Variants in AK9 observed in about 807,000 individuals in gnomAD.
AK9 encodes adenylate kinase domain containing 1.
In AK9, 191 loss-of-function variants were observed where a neutral mutation model predicts 239.6. The ratio of observed to expected loss-of-function variants is 0.80; its 90% confidence interval spans 0.71 to 0.90. The LOEUF is 0.90. Among genes scored for constraint, AK9 ranks in the 40% least tolerant of loss-of-function variants. The probability of loss-of-function intolerance (pLI) is 0.00; values close to 1 mark genes in which losing one functional copy is unlikely to be tolerated. For synonymous variants in AK9, 689 were observed against 721.0 expected (o/e 0.96, Z 0.71); for missense variants, 1,995 against 2,214.7 (o/e 0.90, Z 1.99).
intron 17 of AK9, among the ~76,000 whole-genome samples, chr6:109,603,345 C>G (rs1416460353): frequency 1.3e-5 from 2 of 152,140 alleles, no homozygotes; most frequent in Non-Finnish European, 1.5e-5. Flanking sequence ...CACTCCAGAC[C>G]CTGTTTGCCT....
At chr6:109,561,056 C>T (rs1450115166) in intron 24 of AK9, among the ~76,000 whole-genome samples, 3 of 151,620 alleles carry the variant, frequency 2.0e-5, no homozygotes, top group East Asian at 1.9e-4. Context: ...CAGGTTCAAG[C>T]GATTCTCCTG....
chr6:109,626,975 T>C (rs1221490125), intron 12 of AK9, among the ~76,000 whole-genome samples: 4 of 152,126 alleles, frequency 2.6e-5, no homozygotes, highest in African/African-American at 7.2e-5. Context: ...ATTAACCTTG[T>C]CTTATTATAG....
At chr6:109,557,516 T>G (rs559962401) in intron 24 of AK9, among the ~76,000 whole-genome samples, 1 of 152,258 alleles carries the variant, frequency 6.6e-6, no homozygotes, top group East Asian at 1.9e-4. Context: ...CTTTGTCCCT[T>G]GGTGGAGAGG....
intron 12 of AK9, among the ~76,000 whole-genome samples, chr6:109,623,192 A>T (rs952668794): frequency 2.6e-5 from 4 of 152,052 alleles, no homozygotes; most frequent in African/African-American, 9.7e-5. Context: ...TTTATCTGAC[A>T]CATATTATGA....
At chr6:109,547,894 A>G (rs988246322) in intron 25 of AK9, among the ~76,000 whole-genome samples, 7 of 151,626 alleles carry the variant, frequency 4.6e-5, no homozygotes, top group African/African-American at 1.5e-4. Flanking sequence ...ACAATGGGGA[A>G]AAAAGACCTG....
chr6:109,504,386 A>T (rs1010129968), intron 35 of AK9, among the ~76,000 whole-genome samples: 5 of 152,144 alleles, frequency 3.3e-5, no homozygotes, highest in African/African-American at 1.2e-4. Context: ...ATAAAATTAA[A>T]GAATACCTGT....
chr6:109,658,053 T>C (rs1799940276), intron 7 of AK9, among the ~76,000 whole-genome samples: 1 of 152,190 alleles, frequency 6.6e-6, no homozygotes. Context: ...GAATGTACAA[T>C]TATTTAATTA....
intron 17 of AK9, among the ~76,000 whole-genome samples, chr6:109,610,092 A>T (rs1793392193): frequency 6.6e-6 from 1 of 152,212 alleles, no homozygotes; most frequent in African/African-American, 2.4e-5. Flanking sequence ...AACTGAACTG[A>T]ATCAAAGACA....
chr6:109,519,340 G>A (rs1779595833), intron 29 of AK9, among the ~76,000 whole-genome samples: 1 of 152,108 alleles, frequency 6.6e-6, no homozygotes, highest in African/African-American at 2.4e-5. Flanking sequence ...CCCAGTAATG[G>A]GATTGTTGGG....
At chr6:109,608,422 G>C (rs1489488347) in intron 17 of AK9, among the ~76,000 whole-genome samples, 1 of 151,824 alleles carries the variant, frequency 6.6e-6, no homozygotes, top group African/African-American at 2.4e-5. Flanking sequence ...GAGAAAGGAT[G>C]GCCTTTTCAA....
chr6:109,555,566 CATTA>C (rs1784907495), intron 24 of AK9, among the ~76,000 whole-genome samples: 1 of 152,172 alleles, frequency 6.6e-6, no homozygotes, highest in African/African-American at 2.4e-5. Flanking sequence ...TGAATATCCT[CATTA>C]ATTTTCTGTC....
rs554601721 is a variant in AK9, at chr6:109,566,732, AG to A, written c.2345-1888del. On this transcript the variant is annotated intron_variant, in intron 21 of 40. Transcript: ENST00000424296. ...GAGACTCAGAAGGGAGCAGGGTAAG[AG>A]GGGAGTGAGGGATGAAAAACCACCT... Among the ~76,000 whole-genome samples the A allele has an allele frequency of 2.0e-3, 302 of 152,276 alleles. 1 individual carries two copies. Among genetic ancestry groups the A allele is most frequent in the African/African-American group, 6.9e-3 (286 of 41,548 alleles).
Position 109,639,826 on chromosome 6 carries a change from TA to T in AK9, c.933+1691del, listed in dbSNP as rs1428443123. 3.9e-5 allele frequency among the ~76,000 whole-genome samples: 6 copies of T among 152,338 alleles called. No homozygotes were observed. The East Asian group carries it at 1.2e-3, about 29-fold the overall frequency. On this transcript the variant is annotated intron_variant, in intron 10 of 40. Coordinates refer to ENST00000424296, the MANE Select transcript of AK9 (RefSeq NM_001145128.3). Reference sequence around the variant, plus strand: ...AATCCATCTTGAACTAATTTTTGTATAAGGTGTAAGGAAGGGATCCAGTTTC... The same window carrying T: ...AATCCATCTTGAACTAATTTTTGTATAGGTGTAAGGAAGGGATCCAGTTTC...
At chr6:109,509,848 G>C (rs1200548059) in intron 32 of AK9, among the ~76,000 whole-genome samples, 2 of 152,046 alleles carry the variant, frequency 1.3e-5, no homozygotes, top group Admixed American at 6.5e-5. Context: ...GTGCAGCTTG[G>C]GGGGTTTTCC....
At chr6:109,594,728 T>G (rs1271626248) in intron 17 of AK9, among the ~76,000 whole-genome samples, 1 of 152,188 alleles carries the variant, frequency 6.6e-6, no homozygotes, top group Non-Finnish European at 1.5e-5. Flanking sequence ...CCAACTGATC[T>G]TTGACAAACT....
intron 8 of AK9, among the ~76,000 whole-genome samples, chr6:109,648,292 GA>G (rs1400147660): frequency 1.3e-5 from 2 of 152,118 alleles, no homozygotes; most frequent in African/African-American, 4.8e-5. Context: ...AAAAATCAAT[GA>G]ATCCAGGAGC....
intron 8 of AK9, among the ~76,000 whole-genome samples, chr6:109,650,292 AC>A (rs1439307986): frequency 2.2e-4 from 33 of 152,158 alleles, no homozygotes; most frequent in Non-Finnish European, 2.9e-5. Flanking sequence ...ATCAGAGTGA[AC>A]AGGCAACCTA....
intron 12 of AK9, among the ~76,000 whole-genome samples, chr6:109,622,403 T>C (rs912402818): frequency 7.0e-5 from 10 of 142,276 alleles, no homozygotes; most frequent in Non-Finnish European, 1.1e-4. Flanking sequence ...TATAATAATA[T>C]GTAATATATA....
chr6:109,642,903 A>G (rs1302629399), intron 9 of AK9, among the ~76,000 whole-genome samples: 1 of 152,180 alleles, frequency 6.6e-6, no homozygotes, highest in Non-Finnish European at 1.5e-5. Flanking sequence ...AATTCAGGGG[A>G]AAGATCTGAT....
Sources: allele counts gnomAD v4.1 joint callset (sites outside exome capture counted in the v4.1 genomes callset), GRCh38; gene constraint gnomAD v4.1.1; transcripts MANE v1.5; gene names NCBI Gene and HGNC (gene_info 2026-07-23, HGNC 2026-07-21).